The following TIMM9 variants were observed in gnomAD, a reference collection of about 807,000 sequenced individuals.
The protein encoded by TIMM9 is translocase of inner mitochondrial membrane 9.
TIMM9 carries 10 observed loss-of-function variants against 13.4 expected under a neutral mutation model. The observed-to-expected ratio is 0.75, with a 90% CI of 0.46 to 1.26. The LOEUF is 1.26. Among genes scored for constraint, TIMM9 ranks in the 50% most tolerant of loss-of-function variants. The pLI is 0.00. For missense variants in TIMM9, 87 were observed against 100.8 expected (o/e 0.86, Z 0.58); for synonymous variants, 32 against 32.1 (o/e 1.00, Z 0.01).
chr14:58,408,727 T>A lies in TIMM9; in HGVS notation c.*307A>T. The A allele has an allele frequency of 1.2e-6, 1 of 808,052 alleles. No individual in the cohort carries two copies. The highest frequency in any genetic ancestry group is 1.9e-6 in the Non-Finnish European group (1 of 528,680). 50.1% of individuals were successfully genotyped at this position (808,052 alleles called of 1,614,324 possible). ...ACATGATCGAACACATAAGTTGCTT[T>A]AAAATTAACAGTCACAATTGAAGAA... On this transcript the variant is annotated 3_prime_UTR_variant, in exon 6 of 6. Coordinates refer to ENST00000395159, the MANE Select transcript of TIMM9 (RefSeq NM_012460.4).
At chr14:58,411,873 G>A in intron 4 of TIMM9, 34 bp downstream of exon 4, 1 of 1,603,720 alleles carries the variant, frequency 6.2e-7, no homozygotes, top group African/African-American at 1.3e-5. Context: ...ACATTTTTTT[G>A]CAAAATCTTT....
intron 3 of TIMM9, among the ~76,000 whole-genome samples, chr14:58,414,855 G>A (rs186388368): frequency 6.6e-6 from 1 of 152,196 alleles, no homozygotes; most frequent in Admixed American, 6.5e-5. Context: ...GCGAGTGTCA[G>A]TGGAAACCAC....
At chr14:58,420,094 A>C (rs772075577) in intron 3 of TIMM9, among the ~76,000 whole-genome samples, 4 of 152,202 alleles carry the variant, frequency 2.6e-5, no homozygotes, top group Non-Finnish European at 4.4e-5. Context: ...TTGGCCAACT[A>C]CTAAAACTTT....
At chr14:58,412,730 A>C (rs927661263) in intron 3 of TIMM9, among the ~76,000 whole-genome samples, 1 of 152,074 alleles carries the variant, frequency 6.6e-6, no homozygotes, top group African/African-American at 2.4e-5. Context: ...GTGAAACCCT[A>C]TCTCTACAAA....
intron 2 of TIMM9, among the ~76,000 whole-genome samples, chr14:58,426,194 G>A (rs773199869): frequency 1.3e-5 from 2 of 151,720 alleles, no homozygotes; most frequent in Non-Finnish European, 2.9e-5. Flanking sequence ...TTAACGCTGA[G>A]CCCTTAAAGT....
intron 3 of TIMM9, among the ~76,000 whole-genome samples, chr14:58,419,519 A>G (rs2036527708): frequency 6.6e-6 from 1 of 151,638 alleles, no homozygotes; most frequent in East Asian, 1.9e-4. Context: ...ACATACACAC[A>G]CACACACACA....
rs181375938 is a variant in TIMM9, at chr14:58,408,832, C to T, written c.*202G>A. 107 of 764,926 alleles carry T rather than the reference C, an allele frequency of 1.4e-4. 1 individual carries two copies. In the African/African-American group the frequency reaches 1.5e-3, roughly 11 times the overall value. The allele number at this position is 764,926 out of a possible 1,614,324, so 47.4% of individuals were successfully genotyped here. A position where few individuals can be genotyped will look rare whatever the true frequency, so the allele number is the denominator to read the frequency against. On this transcript the variant is annotated 3_prime_UTR_variant, in exon 6 of 6. Transcript: ENST00000395159. ...ACAAATGTTGCATCTTATTATTTCA[C>T]TGAACAATAAGACCTTCTATTGTGA...
At position 58,411,902 on chromosome 14, in the gene TIMM9, C is replaced by G; in HGVS notation, c.39+5G>C. On this transcript the variant is annotated splice_donor_5th_base_variant and intron_variant, in intron 4 of 5. Transcript: ENST00000395159. Reference sequence around the variant, plus strand: ...AATCTTTTCCCCTTAATTAGAATACCTTACCTGTTTTATCTGATCAGATTC... The same window carrying G: ...AATCTTTTCCCCTTAATTAGAATACGTTACCTGTTTTATCTGATCAGATTC... The G allele has an allele frequency of 6.2e-7, 1 of 1,613,602 alleles. No homozygotes were observed. Among genetic ancestry groups the G allele is most frequent in the Middle Eastern group, 1.7e-4 (1 of 6,058 alleles).
At chr14:58,409,843 G>C (rs1263369039) in intron 5 of TIMM9, among the ~76,000 whole-genome samples, 3 of 152,094 alleles carry the variant, frequency 2.0e-5, no homozygotes, top group Non-Finnish European at 4.4e-5. Flanking sequence ...CTCCCAATGT[G>C]CTGAAGTTCC....
intron 3 of TIMM9, among the ~76,000 whole-genome samples, chr14:58,414,008 G>GAAGAA (rs1555370172): frequency 4.1e-5 from 1 of 24,172 alleles, no homozygotes; most frequent in Non-Finnish European, 6.4e-5. Context: ...TTCCGTCTCA[G>GAAGAA]AAAAAAAAAA....
At chr14:58,409,214 A>G (rs1486458646) in intron 5 of TIMM9, 46 bp from the exon 6 acceptor site, 1 of 1,593,988 alleles carries the variant, frequency 6.3e-7, no homozygotes, top group Non-Finnish European at 8.5e-7. Context: ...AAAAATATGA[A>G]TTTTTTAAAA....
At chr14:58,416,109 T>G (rs1000477156) in intron 3 of TIMM9, among the ~76,000 whole-genome samples, 3 of 150,500 alleles carry the variant, frequency 2.0e-5, no homozygotes, top group Non-Finnish European at 3.0e-5. Flanking sequence ...ACACCTGTAA[T>G]CCCAGCTACT....
intron 3 of TIMM9, among the ~76,000 whole-genome samples, chr14:58,422,910 A>G (rs143360060): frequency 5.1e-4 from 78 of 151,940 alleles, no homozygotes; most frequent in African/African-American, 1.8e-3. Context: ...CCTGGGTTCA[A>G]GTGATTTTGT....
At chr14:58,425,302 T>C (rs1334661004) in intron 2 of TIMM9, among the ~76,000 whole-genome samples, 2 of 151,836 alleles carry the variant, frequency 1.3e-5, no homozygotes, top group Admixed American at 6.6e-5. Context: ...TCCCAGCTAT[T>C]TGGGAGGCTG....
At chr14:58,417,033 C>A (rs1309196080) in intron 3 of TIMM9, among the ~76,000 whole-genome samples, 1 of 152,074 alleles carries the variant, frequency 6.6e-6, no homozygotes, top group African/African-American at 2.4e-5. Context: ...CCATGCTGTT[C>A]TCATGATAGT....
At chr14:58,412,761 C>T (rs899113270) in intron 3 of TIMM9, among the ~76,000 whole-genome samples, 2 of 151,998 alleles carry the variant, frequency 1.3e-5, no homozygotes, top group African/African-American at 2.4e-5. Flanking sequence ...ATTGGCCAGA[C>T]GTGGTGTCAT....
In TIMM9 at chr14:58,408,960, A is replaced by G. The variant is rs1248936520; in HGVS notation, c.*74T>C. Reference sequence around the variant, plus strand: ...GTGGCTACTGCTTTCAGGGGATTCTATCAGATGAGTCCTCATTTCCAATAA... The same window carrying G: ...GTGGCTACTGCTTTCAGGGGATTCTGTCAGATGAGTCCTCATTTCCAATAA... On this transcript the variant is annotated 3_prime_UTR_variant, in exon 6 of 6. Coordinates refer to ENST00000395159, the MANE Select transcript of TIMM9 (RefSeq NM_012460.4). 2 of 1,556,288 alleles carry G rather than the reference A, an allele frequency of 1.3e-6. No individual in the cohort carries two copies. The highest frequency in any genetic ancestry group is 1.7e-6 in the Non-Finnish European group (2 of 1,157,058).
intron 3 of TIMM9, among the ~76,000 whole-genome samples, chr14:58,422,013 CTTTT>C (rs34329213): frequency 8.2e-6 from 1 of 121,220 alleles, no homozygotes; most frequent in African/African-American, 3.2e-5. Flanking sequence ...AAAATCTGTT[CTTTT>C]TTTTTTTTTT....
At chr14:58,417,380 C>G (rs986733137) in intron 3 of TIMM9, among the ~76,000 whole-genome samples, 22 of 150,970 alleles carry the variant, frequency 1.5e-4, no homozygotes, top group Non-Finnish European at 2.7e-4. Flanking sequence ...GTGGCATGTC[C>G]TATACCCCCA....
Sources: gnomAD v4.1 joint callset for allele counts (sites outside exome capture counted in the v4.1 genomes callset) on GRCh38, gnomAD v4.1.1 for gene constraint, MANE v1.5 for transcripts, NCBI Gene and HGNC (gene_info 2026-07-23, HGNC 2026-07-21) for gene names.